Variants in MCC observed in about 807,000 individuals in gnomAD.
The protein encoded by MCC is colorectal mutant cancer protein.
A neutral mutation model predicts 116.2 loss-of-function variants in MCC; 90 were observed. The ratio of observed to expected loss-of-function variants is 0.77; its 90% CI spans 0.65 to 0.92. MCC has a LOEUF of 0.92. MCC is among the 40% of genes least tolerant of loss of function. The pLI is 0.00. For synonymous variants in MCC, 578 were observed against 510.5 expected (o/e 1.13, Z -1.78); for missense variants, 1,516 against 1,312.2 (o/e 1.16, Z -2.40).
At chr5:113,290,315 A>G (rs1367022812) in intron 3 of MCC, among the ~76,000 whole-genome samples, 2 of 152,250 alleles carry the variant, frequency 1.3e-5, no homozygotes, top group African/African-American at 2.4e-5. Flanking sequence ...AATGTTTCCA[A>G]GTAAATAGTG....
intron 3 of MCC, among the ~76,000 whole-genome samples, chr5:113,171,357 C>G (rs1463741036): frequency 6.6e-6 from 1 of 151,034 alleles, no homozygotes; most frequent in Non-Finnish European, 1.5e-5. Context: ...GCGGAAACCT[C>G]TTATTTTTTA....
chr5:113,369,925 A>G (rs901311184), intron 2 of MCC, among the ~76,000 whole-genome samples: 13 of 152,296 alleles, frequency 8.5e-5, no homozygotes, highest in Admixed American at 5.9e-4. Context: ...AACTGATTCA[A>G]GTAAAAAATC....
chr5:113,274,842 T>C (rs1765765010), intron 3 of MCC, among the ~76,000 whole-genome samples: 2 of 152,200 alleles, frequency 1.3e-5, no homozygotes, highest in Admixed American at 6.5e-5. Flanking sequence ...CTCTTTCTAT[T>C]TTCATAAATA....
chr5:113,162,995 T>C (rs1454097245), intron 3 of MCC, among the ~76,000 whole-genome samples: 1 of 152,186 alleles, frequency 6.6e-6, no homozygotes, highest in Non-Finnish European at 1.5e-5. Flanking sequence ...AGAGTCTGCC[T>C]TTCAACACGT....
intron 6 of MCC, among the ~76,000 whole-genome samples, chr5:113,111,404 T>A (rs1368798436): frequency 1.3e-5 from 2 of 152,098 alleles, no homozygotes; most frequent in African/African-American, 4.8e-5. Flanking sequence ...ACAGAGACAA[T>A]GAATGTGTGT....
At chr5:113,339,282 T>A (rs1250304376) in intron 3 of MCC, among the ~76,000 whole-genome samples, 5 of 151,834 alleles carry the variant, frequency 3.3e-5, no homozygotes, top group African/African-American at 1.2e-4. Flanking sequence ...GAGAGAGTAA[T>A]CATATACCCC....
chr5:113,462,715 C>A (rs563901959), intron 1 of MCC, among the ~76,000 whole-genome samples: 22 of 152,122 alleles, frequency 1.4e-4, no homozygotes, highest in Non-Finnish European at 2.9e-4. Flanking sequence ...TACTAGTAAG[C>A]CAATTATGCA....
chr5:113,417,913 A>T (rs1770202095), intron 1 of MCC, among the ~76,000 whole-genome samples: 1 of 151,984 alleles, frequency 6.6e-6, no homozygotes, highest in Non-Finnish European at 1.5e-5. Context: ...AGCCTGGGTG[A>T]CAGAGTGAGA....
Position 113,422,293 on chromosome 5 carries a change from A to T in MCC, c.171-37081T>A, listed in dbSNP as rs566457733. 1.2e-3 allele frequency among the ~76,000 whole-genome samples: 186 copies of T among 152,330 alleles called. 2 individuals are homozygous for T. The highest frequency in any genetic ancestry group is 4.4e-3 in the African/African-American group (184 of 41,572). ...ATACAGTATTCCACCATACAGATAC[A>T]AGAGATATAAACAGCCCCAAGAGCA... On this transcript the variant is annotated intron_variant, in intron 1 of 18. Coordinates refer to ENST00000408903, the MANE Select transcript of MCC (RefSeq NM_001085377.2).
chr5:113,367,669 CGA>C (rs1468836388), intron 2 of MCC, among the ~76,000 whole-genome samples: 6 of 145,268 alleles, frequency 4.1e-5, no homozygotes, highest in Non-Finnish European at 7.5e-5. Context: ...AGAGAGAGAG[CGA>C]GAGAGAGAAT....
chr5:113,401,416 G>A (rs151047792), intron 1 of MCC, among the ~76,000 whole-genome samples: 16 of 152,242 alleles, frequency 1.1e-4, no homozygotes, highest in African/African-American at 3.6e-4. Flanking sequence ...TCTAAGCAAT[G>A]TTTTAGGCTA....
intron 17 of MCC, among the ~76,000 whole-genome samples, chr5:113,032,151 C>T (rs1055675351): frequency 2.0e-5 from 3 of 152,222 alleles, no homozygotes; most frequent in African/African-American, 7.2e-5. Flanking sequence ...TGGCTCACGC[C>T]TGTAATCCCA....
At chr5:113,121,269 C>T (rs1184903490) in intron 6 of MCC, among the ~76,000 whole-genome samples, 1 of 152,150 alleles carries the variant, frequency 6.6e-6, no homozygotes, top group Admixed American at 6.5e-5. Flanking sequence ...ATTCAAAATG[C>T]AAATCTGATT....
At chr5:113,049,622 G>A (rs1752356617) in intron 15 of MCC, among the ~76,000 whole-genome samples, 1 of 152,244 alleles carries the variant, frequency 6.6e-6, no homozygotes, top group African/African-American at 2.4e-5. Context: ...TCAGGCACAT[G>A]GGCCTTGATG....
chr5:113,242,004 A>AACAACAGT (rs1764387071), intron 3 of MCC, among the ~76,000 whole-genome samples: 1 of 152,178 alleles, frequency 6.6e-6, no homozygotes, highest in Non-Finnish European at 1.5e-5. Context: ...AGAACGACCA[A>AACAACAGT]ATCAAACAAC....
chr5:113,307,516 C>T (rs1416296561), intron 3 of MCC, among the ~76,000 whole-genome samples: 1 of 152,060 alleles, frequency 6.6e-6, no homozygotes, highest in East Asian at 1.9e-4. Context: ...GCTTGCTGAA[C>T]TCATTTATTA....
intron 3 of MCC, among the ~76,000 whole-genome samples, chr5:113,298,733 A>G (rs1766772850): frequency 1.3e-5 from 2 of 152,218 alleles, no homozygotes; most frequent in Non-Finnish European, 2.9e-5. Flanking sequence ...AACAGAAACA[A>G]GAGAACGAGA....
intron 3 of MCC, among the ~76,000 whole-genome samples, chr5:113,271,849 GAC>G (rs775554293): frequency 6.6e-6 from 1 of 152,126 alleles, no homozygotes; most frequent in African/African-American, 2.4e-5. Context: ...CCTGACAGAT[GAC>G]AGTCCCTCAA....
intron 3 of MCC, among the ~76,000 whole-genome samples, chr5:113,219,694 GT>G (rs1372859837): frequency 6.6e-6 from 1 of 152,102 alleles, no homozygotes; most frequent in East Asian, 1.9e-4. Context: ...AGTGAGGTTT[GT>G]TTTCTTAAAG....
Sources: gnomAD v4.1 joint callset for allele counts (sites outside exome capture counted in the v4.1 genomes callset) on GRCh38, gnomAD v4.1.1 for gene constraint, MANE v1.5 for transcripts, NCBI Gene and HGNC (gene_info 2026-07-23, HGNC 2026-07-21) for gene names.